The following CTNNA2 variants were observed in gnomAD, a reference collection of about 807,000 sequenced individuals.
The protein encoded by CTNNA2 is catenin alpha-2.
Under a neutral mutation model 101.0 loss-of-function variants are expected in CTNNA2, and 42 were observed. The ratio of observed to expected loss-of-function variants is 0.42; its 90% confidence interval spans 0.32 to 0.54. The LOEUF is 0.54. CTNNA2 is among the 20% of genes least tolerant of loss of function. CTNNA2 has a pLI of 0.14. For missense variants in CTNNA2, 871 were observed against 1,223.1 expected, an observed-to-expected ratio of 0.71 and a Z score of 4.29; for synonymous variants, 450 against 456.4, an observed-to-expected ratio of 0.99 and a Z score of 0.18.
chr2:79,580,100 C>A (rs910911360), intron 1 of CTNNA2, among the ~76,000 whole-genome samples: 1 of 152,120 alleles, frequency 6.6e-6, no homozygotes, highest in African/African-American at 2.4e-5. Flanking sequence ...TGTAGCAACC[C>A]CATCTCTTGA....
intron 7 of CTNNA2, among the ~76,000 whole-genome samples, chr2:79,955,858 A>T (rs555476489): frequency 6.6e-6 from 1 of 152,136 alleles, no homozygotes; most frequent in African/African-American, 2.4e-5. Context: ...GCTCCCATGG[A>T]CATCACCTGG....
chr2:80,156,406 G>A (rs1421791431), intron 7 of CTNNA2, among the ~76,000 whole-genome samples: 1 of 152,154 alleles, frequency 6.6e-6, no homozygotes, highest in Non-Finnish European at 1.5e-5. Context: ...TTTGCTGAGA[G>A]TCTATCATTT....
At position 80,611,370 on chromosome 2, in the gene CTNNA2, A is replaced by T. The variant is rs1573451955; in HGVS notation, c.2430+3052A>T. On this transcript the variant is annotated intron_variant, in intron 17 of 18. Transcript: ENST00000402739. ...AAGAAGGTAGAAGAAAAGAAAAAAG[A>T]AAGAGAAAGTTAAAGATAACATGTC... Among the ~76,000 whole-genome samples the T allele has an allele frequency of 2.5e-5, 3 of 117,712 alleles. No individual in the cohort carries two copies. The South Asian group carries it at 9.3e-4, about 36-fold the overall frequency. The allele number at this position is 117,712 out of a possible 152,430, so 77.2% of individuals were successfully genotyped here. A position where few individuals can be genotyped will look rare whatever the true frequency, so the allele number is the denominator to read the frequency against.
intron 4 of CTNNA2, among the ~76,000 whole-genome samples, chr2:79,479,645 G>A (rs1173844883): frequency 1.3e-5 from 2 of 152,128 alleles, no homozygotes; most frequent in Non-Finnish European, 2.9e-5. Context: ...ATACCTGGCT[G>A]GGTGTGGTGG....
chr2:80,589,955 T>G (rs557307931), intron 15 of CTNNA2, among the ~76,000 whole-genome samples: 1 of 152,116 alleles, frequency 6.6e-6, no homozygotes, highest in Admixed American at 6.5e-5. Flanking sequence ...TAGCTTGTGA[T>G]CTAGCATTAA....
intron 7 of CTNNA2, among the ~76,000 whole-genome samples, chr2:80,008,142 T>A (rs1693507646): frequency 6.6e-6 from 1 of 152,238 alleles, no homozygotes; most frequent in Admixed American, 6.5e-5. Context: ...ATGGAAAATC[T>A]GAGTCCTTCT....
chr2:79,310,621 C>T (rs13401607), intron 2 of CTNNA2, among the ~76,000 whole-genome samples: 10,542 of 152,228 alleles, frequency 0.069, 436 homozygotes, highest in African/African-American at 0.1. Flanking sequence ...TTGGGTGCTG[C>T]AACCAATTTT....
intron 3 of CTNNA2, among the ~76,000 whole-genome samples, chr2:79,314,006 G>A (rs992397410): frequency 1.3e-5 from 2 of 152,122 alleles, no homozygotes; most frequent in African/African-American, 2.4e-5. Context: ...CTTCCTAGGT[G>A]TGCTCTTTGC....
intron 4 of CTNNA2, among the ~76,000 whole-genome samples, chr2:79,386,540 C>T (rs1678107481): frequency 6.6e-6 from 1 of 152,196 alleles, no homozygotes; most frequent in Admixed American, 6.5e-5. Flanking sequence ...GAAAACATAA[C>T]ATAGTCTCTT....
At chr2:79,821,868 C>T (rs770073155) in intron 3 of CTNNA2, among the ~76,000 whole-genome samples, 19 of 152,022 alleles carry the variant, frequency 1.2e-4, no homozygotes, top group African/African-American at 2.2e-4. Context: ...GATGTTTGAT[C>T]GACTGAAGCC....
intron 7 of CTNNA2, among the ~76,000 whole-genome samples, chr2:80,141,758 G>A (rs984344269): frequency 3.9e-5 from 6 of 152,054 alleles, no homozygotes; most frequent in South Asian, 2.1e-4. Context: ...TGAGAAGTAA[G>A]TGAGCAACTT....
chr2:79,633,596 A>T (rs1452003754), intron 1 of CTNNA2: 1 of 152,264 alleles, frequency 6.6e-6, no homozygotes, highest in Non-Finnish European at 1.5e-5. Context: ...GTGAAGAAAG[A>T]TGTCTGTGAG....
At chr2:79,661,725 C>A (rs1242730557) in intron 2 of CTNNA2, among the ~76,000 whole-genome samples, 6 of 152,046 alleles carry the variant, frequency 3.9e-5, no homozygotes, top group African/African-American at 1.4e-4. Context: ...CACAGATAAT[C>A]CTTGAAGAGA....
intron 9 of CTNNA2, 42 bp downstream of exon 9, chr2:80,419,643 T>C: frequency 6.3e-7 from 1 of 1,598,710 alleles, no homozygotes; most frequent in East Asian, 2.2e-5. Flanking sequence ...TACCGATGGG[T>C]TCAATCTCTG....
chr2:80,648,057 A>G lies in CTNNA2; in HGVS notation c.*185A>G, dbSNP rs1674298401. The stretch of plus-strand genomic sequence containing the variant: ...CTACTGATCCATCTGTAGCCTGGGA[A>G]GGAGACAGGACATTCCTGTACTAAG... On this transcript the variant is annotated 3_prime_UTR_variant, in exon 19 of 19. Transcript: ENST00000402739. 1 of 543,774 alleles carries G rather than the reference A, an allele frequency of 1.8e-6. No homozygotes were observed. The highest frequency in any genetic ancestry group is 3.3e-5 in the Admixed American group (1 of 30,206). The allele number at this position is 543,774 out of a possible 1,614,324, so 33.7% of individuals were successfully genotyped here.
At chr2:79,437,124 C>A (rs1027224457) in intron 4 of CTNNA2, among the ~76,000 whole-genome samples, 18 of 151,742 alleles carry the variant, frequency 1.2e-4, no homozygotes, top group Non-Finnish European at 1.6e-4. Flanking sequence ...ATCCCAGTTA[C>A]TTGGGAGGCT....
At chr2:79,532,673 T>C (rs1672816364) in intron 1 of CTNNA2, among the ~76,000 whole-genome samples, 1 of 152,140 alleles carries the variant, frequency 6.6e-6, no homozygotes, top group Admixed American at 6.6e-5. Flanking sequence ...CTTAATTCTG[T>C]ACTGTCCTCT....
chr2:79,550,671 A>G (rs935595473), intron 1 of CTNNA2, among the ~76,000 whole-genome samples: 3 of 152,218 alleles, frequency 2.0e-5, no homozygotes, highest in Admixed American at 6.5e-5. Context: ...TTCATTCAGT[A>G]TCTTTTTATA....
chr2:79,942,492 C>T (rs1446910641), intron 7 of CTNNA2, among the ~76,000 whole-genome samples: 1 of 152,142 alleles, frequency 6.6e-6, no homozygotes, highest in Non-Finnish European at 1.5e-5. Flanking sequence ...ATAGGTAGCA[C>T]TGAAAGCAGC....
Sources: allele counts gnomAD v4.1 joint callset (sites outside exome capture counted in the v4.1 genomes callset), GRCh38; gene constraint gnomAD v4.1.1; transcripts MANE v1.5; gene names NCBI Gene and HGNC (gene_info 2026-07-23, HGNC 2026-07-21).